The following TMEM114 variants were observed in gnomAD, a reference collection of about 807,000 sequenced individuals.
TMEM114 encodes transmembrane protein 114.
TMEM114 carries 6 observed loss-of-function variants against 6.2 expected under a neutral mutation model. The ratio of observed to expected loss-of-function variants is 0.97; its 90% CI spans 0.53 to 1.91. The LOEUF is 1.91. Among genes scored for constraint, TMEM114 ranks in the 40% most tolerant of loss-of-function variants. TMEM114 has a pLI of 0.01. For missense variants in TMEM114, 218 were observed against 158.3 expected, an observed-to-expected ratio of 1.38 and a Z score of -2.02; for synonymous variants, 104 against 73.0, an observed-to-expected ratio of 1.42 and a Z score of -2.16.
In TMEM114 at chr16:8,590,053, A is replaced by T; in HGVS notation, c.-215T>A. The stretch of plus-strand genomic sequence containing the variant: ...TCCGACCTGCACGCGCCCCCCGCTC[A>T]GCCGCCGTCCACGTTCCCACCCCTC... On this transcript the variant is annotated 5_prime_UTR_variant, in exon 1 of 4. Coordinates refer to ENST00000620492, the MANE Select transcript of TMEM114 (RefSeq NM_001146336.2). 3 of 378,270 alleles carry T rather than the reference A, an allele frequency of 7.9e-6. No individual in the cohort carries two copies. The allele number at this position is 378,270 out of a possible 1,614,324, so 23.4% of individuals were successfully genotyped here.
intron 2 of TMEM114, among the ~76,000 whole-genome samples, chr16:8,585,859 A>T (rs892482517): frequency 2.0e-5 from 3 of 152,170 alleles, no homozygotes; most frequent in African/African-American, 7.2e-5. Context: ...CACAGGAGGG[A>T]ACTGAGGCTC....
At chr16:8,584,295 G>C (rs1346155170) in intron 2 of TMEM114, among the ~76,000 whole-genome samples, 1 of 152,158 alleles carries the variant, frequency 6.6e-6, no homozygotes, top group African/African-American at 2.4e-5. Context: ...GTTCCTGGCT[G>C]ATACAGCTAG....
intron 2 of TMEM114, among the ~76,000 whole-genome samples, chr16:8,553,697 G>A (rs1900915792): frequency 6.6e-6 from 1 of 152,070 alleles, no homozygotes; most frequent in South Asian, 2.1e-4. Context: ...TAGCCAGGAT[G>A]GTCTTGATCT....
chr16:8,560,363 G>A (rs1213675031), intron 2 of TMEM114, among the ~76,000 whole-genome samples: 1 of 152,076 alleles, frequency 6.6e-6, no homozygotes, highest in Admixed American at 6.6e-5. Context: ...ATCAGTGGGA[G>A]CGAGGGTGGG....
At chr16:8,563,933 G>C (rs542584045) in intron 2 of TMEM114, among the ~76,000 whole-genome samples, 20 of 147,364 alleles carry the variant, frequency 1.4e-4, no homozygotes, top group African/African-American at 5.0e-4. Context: ...AAATGAGTGA[G>C]TGAACGAGTA....
At chr16:8,587,751 G>C (rs1596316096) in intron 2 of TMEM114, among the ~76,000 whole-genome samples, 1 of 152,210 alleles carries the variant, frequency 6.6e-6, no homozygotes. Context: ...ACTAAGGCAG[G>C]AAGATTGCTT....
At chr16:8,550,745 C>G (rs1335847867) in intron 2 of TMEM114, among the ~76,000 whole-genome samples, 1 of 150,654 alleles carries the variant, frequency 6.6e-6, no homozygotes. Context: ...TCCCTCCTAA[C>G]ACTCCAGCTC....
At chr16:8,537,211 CA>C (rs1368506737), downstream of TMEM114, among the ~76,000 whole-genome samples, 1 of 151,518 alleles carries the variant, frequency 6.6e-6, no homozygotes, top group Non-Finnish European at 1.5e-5. Context: ...TCTCAAAAAA[CA>C]AAAACAGGCC....
chr16:8,581,580 A>G (rs1282883892), intron 2 of TMEM114, among the ~76,000 whole-genome samples: 6 of 152,090 alleles, frequency 3.9e-5, no homozygotes. Flanking sequence ...CAGCCTCCCA[A>G]GTAGCTGGGA....
intron 2 of TMEM114, among the ~76,000 whole-genome samples, chr16:8,551,185 C>A (rs957314224): frequency 6.6e-6 from 1 of 152,056 alleles, no homozygotes; most frequent in African/African-American, 2.4e-5. Flanking sequence ...AACCAAGAAC[C>A]AGGAACAAGA....
intron 2 of TMEM114, among the ~76,000 whole-genome samples, chr16:8,563,709 G>C (rs1053744168): frequency 6.7e-6 from 1 of 148,552 alleles, no homozygotes; most frequent in South Asian, 2.1e-4. Flanking sequence ...TAGTGAATGA[G>C]TGAGTGAGTG....
chr16:8,584,778 C>T (rs9746453), intron 2 of TMEM114, among the ~76,000 whole-genome samples: 27,183 of 151,668 alleles, frequency 0.18, 2,745 homozygotes, highest in Middle Eastern at 0.25. Context: ...AAAAATTAGC[C>T]GGGTGTGATG....
At chr16:8,558,760 G>A (rs60081188) in intron 2 of TMEM114, among the ~76,000 whole-genome samples, 4,478 of 137,458 alleles carry the variant, frequency 0.033, 230 homozygotes, top group African/African-American at 0.12. Flanking sequence ...TTTTTTTTTC[G>A]ACATGGAGTT....
At chr16:8,550,784 C>T (rs891814776) in intron 2 of TMEM114, among the ~76,000 whole-genome samples, 1 of 152,000 alleles carries the variant, frequency 6.6e-6, no homozygotes, top group African/African-American at 2.4e-5. Context: ...ACCTCCTGCC[C>T]ACTCCCATAT....
intron 2 of TMEM114, among the ~76,000 whole-genome samples, chr16:8,573,614 GGTT>G (rs1461558040): frequency 1.3e-5 from 2 of 152,052 alleles, no homozygotes; most frequent in Non-Finnish European, 2.9e-5. Flanking sequence ...AATGTGTATT[GGTT>G]GTTTACTATG....
At chr16:8,568,625 G>C (rs921645262), downstream of TMEM114, among the ~76,000 whole-genome samples, 1 of 152,182 alleles carries the variant, frequency 6.6e-6, no homozygotes, top group African/African-American at 2.4e-5. Context: ...TAATCGTGTT[G>C]TCATCTTTTA....
Position 8,590,053 on chromosome 16 carries a change from A to G in TMEM114, c.-215T>C. 1 of 378,270 alleles carries G rather than the reference A, an allele frequency of 2.6e-6. No individual in the cohort carries two copies. Among genetic ancestry groups the G allele is most frequent in the Non-Finnish European group, 4.7e-6 (1 of 213,830 alleles). The allele number at this position is 378,270 out of a possible 1,614,324, so 23.4% of individuals were successfully genotyped here. A position where few individuals can be genotyped will look rare whatever the true frequency, so the allele number is the denominator to read the frequency against. On this transcript the variant is annotated 5_prime_UTR_variant, in exon 1 of 4. Transcript: ENST00000620492. ...TCCGACCTGCACGCGCCCCCCGCTCAGCCGCCGTCCACGTTCCCACCCCTC... is the reference window on the plus strand; with the variant it reads ...TCCGACCTGCACGCGCCCCCCGCTCGGCCGCCGTCCACGTTCCCACCCCTC...
intron 2 of TMEM114, among the ~76,000 whole-genome samples, chr16:8,540,085 A>G (rs1313008942): frequency 6.6e-6 from 1 of 152,150 alleles, no homozygotes; most frequent in Non-Finnish European, 1.5e-5. Flanking sequence ...CAGCCTCCCA[A>G]AGTGCTGGGA....
chr16:8,538,294 TA>T (rs368839895), intron 2 of TMEM114, among the ~76,000 whole-genome samples: 128 of 138,558 alleles, frequency 9.2e-4, no homozygotes, highest in South Asian at 5.1e-3. Flanking sequence ...GTCTCAAAAA[TA>T]AAAAAAAAAA....
Sources: gnomAD v4.1 joint callset for allele counts (sites outside exome capture counted in the v4.1 genomes callset) on GRCh38, gnomAD v4.1.1 for gene constraint, MANE v1.5 for transcripts, NCBI Gene and HGNC (gene_info 2026-07-23, HGNC 2026-07-21) for gene names.